The following UNC13C variants were observed in gnomAD, a reference collection of about 807,000 sequenced individuals.
The protein encoded by UNC13C is unc-13 homolog C.
UNC13C carries 174 observed loss-of-function variants against 245.4 expected under a neutral mutation model. The observed-to-expected ratio is 0.71, with a 90% CI of 0.63 to 0.80. The LOEUF (loss-of-function observed/expected upper bound fraction) is 0.80. Ranked by LOEUF, UNC13C falls within the 30% of genes least tolerant of loss-of-function variation. The pLI, the probability that UNC13C is intolerant of heterozygous loss-of-function variation, is 0.00. For synonymous variants in UNC13C, 992 were observed against 895.1 expected (o/e 1.11, Z -1.93); for missense variants, 2,829 against 2,602.9 (o/e 1.09, Z -1.89).
At position 54,179,493 on chromosome 15, in the gene UNC13C, A is replaced by T. The variant is rs188966502; in HGVS notation, c.3071+35809A>T. Among the ~76,000 whole-genome samples, 776 of 152,214 alleles carry T rather than the reference A, an allele frequency of 5.1e-3. 5 individuals carry two copies. The highest frequency in any genetic ancestry group is 0.018 in the African/African-American group (739 of 41,548). On this transcript the variant is annotated intron_variant, in intron 4 of 32. Coordinates refer to ENST00000260323, the MANE Select transcript of UNC13C (RefSeq NM_001080534.3). ...CTGCAAAATACAATATATACTATTA[A>T]GTCCTTATTGGATGGGTTTCACAAG... is the stretch of plus-strand genomic sequence containing the variant.
At chr15:54,487,171 T>TTCCTGGTTTAATGAACCCAGGGA (rs1893458697) in intron 19 of UNC13C, among the ~76,000 whole-genome samples, 1 of 152,046 alleles carries the variant, frequency 6.6e-6, no homozygotes, top group South Asian at 2.1e-4. Flanking sequence ...CCTCACATCA[T>TTCCTGGTTTAATGAACCCAGGGA]TCCTGGTTTA....
chr15:54,231,774 C>T (rs1325424517), intron 4 of UNC13C, among the ~76,000 whole-genome samples: 2 of 151,960 alleles, frequency 1.3e-5, no homozygotes, highest in Admixed American at 1.3e-4. Context: ...CTTATCAGAC[C>T]TTACCTTTAG....
intron 25 of UNC13C, among the ~76,000 whole-genome samples, chr15:54,532,107 T>C (rs1370546946): frequency 2.0e-5 from 3 of 152,180 alleles, no homozygotes; most frequent in Non-Finnish European, 4.4e-5. Context: ...TTATACACAT[T>C]ATAATACATC....
chr15:53,840,933 G>A, the UNC13C span, among the ~76,000 whole-genome samples: 1 of 152,106 alleles, frequency 6.6e-6, no homozygotes, highest in East Asian at 1.9e-4. Context: ...TAAAGTATTG[G>A]AATTCCAGTG....
At chr15:54,409,658 C>T (rs1402697461) in intron 18 of UNC13C, among the ~76,000 whole-genome samples, 1 of 152,206 alleles carries the variant, frequency 6.6e-6, no homozygotes, top group African/African-American at 2.4e-5. Flanking sequence ...AGTTAATTCA[C>T]TTACACTGAT....
chr15:54,569,817 C>T (rs1415469777), intron 30 of UNC13C, among the ~76,000 whole-genome samples: 1 of 151,258 alleles, frequency 6.6e-6, no homozygotes, highest in African/African-American at 2.4e-5. Context: ...TTTCAGATAA[C>T]TGAAATTGGT....
At chr15:54,216,825 A>C (rs1020359571) in intron 4 of UNC13C, among the ~76,000 whole-genome samples, 2 of 151,966 alleles carry the variant, frequency 1.3e-5, no homozygotes, top group African/African-American at 2.4e-5. Context: ...TATATTTTTC[A>C]TGCAACCATG....
chr15:54,122,504 A>G (rs766899771), intron 2 of UNC13C, among the ~76,000 whole-genome samples: 8 of 152,068 alleles, frequency 5.3e-5, no homozygotes, highest in Non-Finnish European at 1.0e-4. Context: ...CTGTATGTAT[A>G]ACGCATCCAT....
At chr15:54,581,621 C>T (rs1483970315) in intron 30 of UNC13C, among the ~76,000 whole-genome samples, 1 of 152,186 alleles carries the variant, frequency 6.6e-6, no homozygotes. Flanking sequence ...TTAGTTATTT[C>T]CTTAGAGGCT....
At chr15:54,268,853 T>A (rs912299440) in intron 10 of UNC13C, among the ~76,000 whole-genome samples, 1 of 152,152 alleles carries the variant, frequency 6.6e-6, no homozygotes, top group East Asian at 1.9e-4. Context: ...TTTATGTGCA[T>A]GCACTTATCA....
chr15:53,960,592 G>A, the UNC13C span, among the ~76,000 whole-genome samples: 1 of 152,114 alleles, frequency 6.6e-6, no homozygotes, highest in Non-Finnish European at 1.5e-5. Context: ...ACAACACAAA[G>A]TAAGAATGTG....
intron 19 of UNC13C, among the ~76,000 whole-genome samples, chr15:54,450,297 C>G (rs1891096790): frequency 6.6e-6 from 1 of 152,226 alleles, no homozygotes; most frequent in Non-Finnish European, 1.5e-5. Flanking sequence ...CTCTTCAAAG[C>G]TGTCACACAG....
chr15:54,385,071 A>G (rs1018714634), intron 17 of UNC13C, among the ~76,000 whole-genome samples: 13 of 152,182 alleles, frequency 8.5e-5, no homozygotes, highest in African/African-American at 3.1e-4. Flanking sequence ...TGAGAGTATA[A>G]ATTAGTACAA....
At chr15:53,883,246 C>T in the UNC13C span, among the ~76,000 whole-genome samples, 1 of 152,178 alleles carries the variant, frequency 6.6e-6, no homozygotes, top group South Asian at 2.1e-4. Context: ...AGTAAAGCTA[C>T]TGTTAGAACT....
chr15:54,333,365 C>T (rs1356977869), intron 15 of UNC13C, among the ~76,000 whole-genome samples: 1 of 151,858 alleles, frequency 6.6e-6, no homozygotes, highest in Non-Finnish European at 1.5e-5. Context: ...AAATGCAGCA[C>T]ATGTATAATT....
chr15:54,596,501 C>T (rs1022164174), intron 30 of UNC13C, among the ~76,000 whole-genome samples: 2 of 152,166 alleles, frequency 1.3e-5, no homozygotes, highest in East Asian at 1.9e-4. Context: ...TATGCACACA[C>T]ACGTACAACA....
At chr15:54,134,158 A>T (rs1595894351) in intron 2 of UNC13C, among the ~76,000 whole-genome samples, 1 of 151,652 alleles carries the variant, frequency 6.6e-6, no homozygotes, top group Non-Finnish European at 1.5e-5. Context: ...TGTGTATTAG[A>T]TCCCCAGAAT....
chr15:54,525,674 A>G, intron 25 of UNC13C, 37 bp downstream of exon 25: 7 of 1,529,218 alleles, frequency 4.6e-6, no homozygotes, highest in Non-Finnish European at 6.3e-6. Context: ...AAATTAGATA[A>G]TTAGGTGTCA....
chr15:54,012,795 A>G lies in UNC13C; in HGVS notation c.-109A>G, dbSNP rs1303290260. 4 of 855,256 alleles carry G rather than the reference A, an allele frequency of 4.7e-6. No homozygotes were observed. The highest frequency in any genetic ancestry group is 3.4e-5 in the African/African-American group (2 of 58,660). 53.0% of individuals were successfully genotyped at this position (855,256 alleles called of 1,614,324 possible). On this transcript the variant is annotated 5_prime_UTR_variant, in exon 2 of 33. Coordinates refer to ENST00000260323, the MANE Select transcript of UNC13C (RefSeq NM_001080534.3). ...CATGCCTGCCCTTCCTGCTCTTTCC[A>G]GTGATTCACAGAACTTCTGAACAGT...
Sources: gnomAD v4.1 joint callset for allele counts (sites outside exome capture counted in the v4.1 genomes callset) on GRCh38, gnomAD v4.1.1 for gene constraint, MANE v1.5 for transcripts, NCBI Gene and HGNC (gene_info 2026-07-23, HGNC 2026-07-21) for gene names.